HHAT: variants seen among roughly 807,000 people sequenced by gnomAD.
HHAT encodes protein-cysteine N-palmitoyltransferase HHAT.
Under a neutral mutation model 70.8 loss-of-function variants are expected in HHAT, and 47 were observed. The observed-to-expected ratio is 0.66, with a 90% CI of 0.53 to 0.85. HHAT has a LOEUF of 0.85. Ranked by LOEUF, HHAT falls within the 40% of genes least tolerant of loss-of-function variation. The pLI is 0.00. For missense variants in HHAT, 609 were observed against 604.8 expected (o/e 1.01, Z -0.07); for synonymous variants, 228 against 247.6 (o/e 0.92, Z 0.74).
chr1:210,546,735 G>A lies in HHAT; in HGVS notation c.1043+33547G>A, dbSNP rs187056591. Among the ~76,000 whole-genome samples, 282 of 152,312 alleles carry A rather than the reference G, an allele frequency of 1.9e-3. 2 individuals carry two copies. The highest frequency in any genetic ancestry group is 3.1e-4 in the Non-Finnish European group (21 of 68,028). On this transcript the variant is annotated intron_variant, in intron 9 of 11. Coordinates refer to ENST00000261458, the MANE Select transcript of HHAT (RefSeq NM_018194.6). ...GGATGGAGGCACAGAGAAAAGCAAG[G>A]CAGTGGTTGCAGTGACCTGGGCTAT...
At chr1:210,338,863 C>T (rs891915603) in intron 1 of HHAT, among the ~76,000 whole-genome samples, 3 of 152,022 alleles carry the variant, frequency 2.0e-5, no homozygotes, top group Non-Finnish European at 1.5e-5. Flanking sequence ...TTTAGAAATA[C>T]GGGGTAGATT....
chr1:210,335,622 C>T (rs2085413081), intron 1 of HHAT, among the ~76,000 whole-genome samples: 2 of 152,168 alleles, frequency 1.3e-5, no homozygotes, highest in Non-Finnish European at 2.9e-5. Flanking sequence ...CAGGCTTATA[C>T]ATCTGTGGTC....
intron 9 of HHAT, among the ~76,000 whole-genome samples, chr1:210,542,520 G>A (rs1224592734): frequency 6.6e-6 from 1 of 151,246 alleles, no homozygotes; most frequent in African/African-American, 2.4e-5. Context: ...TATATTGGTT[G>A]GATGCAGTGG....
At chr1:210,665,043 C>T (rs1678603433) in intron 11 of HHAT, among the ~76,000 whole-genome samples, 3 of 152,192 alleles carry the variant, frequency 2.0e-5, no homozygotes, top group Admixed American at 6.5e-5. Context: ...CCTCTCTGAG[C>T]CAGCCCATTA....
At chr1:210,658,805 A>G (rs1217839671) in intron 11 of HHAT, among the ~76,000 whole-genome samples, 3 of 152,242 alleles carry the variant, frequency 2.0e-5, no homozygotes, top group Admixed American at 1.3e-4. Flanking sequence ...GCACAACTAC[A>G]TGGAAACTGA....
chr1:210,446,607 C>T (rs936132135), intron 7 of HHAT, among the ~76,000 whole-genome samples: 3 of 152,182 alleles, frequency 2.0e-5, no homozygotes, highest in East Asian at 1.9e-4. Context: ...CACCCTTGCC[C>T]CGGCCTCTGT....
chr1:210,416,890 C>T (rs904395420), intron 6 of HHAT, among the ~76,000 whole-genome samples: 1 of 152,138 alleles, frequency 6.6e-6, no homozygotes, highest in Non-Finnish European at 1.5e-5. Context: ...ATTTAATCAC[C>T]ACAACAATGT....
At chr1:210,431,033 T>G (rs2093227324) in intron 7 of HHAT, among the ~76,000 whole-genome samples, 1 of 151,904 alleles carries the variant, frequency 6.6e-6, no homozygotes, top group South Asian at 2.1e-4. Context: ...CTCACCCATA[T>G]TTTGGGATGT....
chr1:210,564,406 A>G lies in HHAT; in HGVS notation c.1044-23492A>G, dbSNP rs148589175. ...AGGGAGCATGAGGAGCAGTGGCTCT[A>G]AAGATGAAAACAGAGAGCTCCATTG... On this transcript the variant is annotated intron_variant, in intron 9 of 11. Coordinates refer to ENST00000261458, the MANE Select transcript of HHAT (RefSeq NM_018194.6). Among the ~76,000 whole-genome samples, 675 of 152,322 alleles carry G rather than the reference A, an allele frequency of 4.4e-3. 2 individuals are homozygous for G. Among genetic ancestry groups the G allele is most frequent in the African/African-American group, 0.014 (578 of 41,562 alleles).
intron 1 of HHAT, among the ~76,000 whole-genome samples, chr1:210,340,242 G>GAAAAAAAAAAA (rs57007952): frequency 2.0e-5 from 2 of 99,782 alleles, no homozygotes; most frequent in Admixed American, 1.3e-4. Flanking sequence ...CTCTGTCTCA[G>GAAAAAAAAAAA]AAAAAAAAAA....
chr1:210,425,291 G>A (rs761347999), intron 7 of HHAT, among the ~76,000 whole-genome samples: 2 of 152,134 alleles, frequency 1.3e-5, no homozygotes, highest in Non-Finnish European at 2.9e-5. Context: ...CTCCCATTTT[G>A]TAGGTTGTCT....
chr1:210,350,394 T>C (rs956756919), intron 2 of HHAT, among the ~76,000 whole-genome samples: 6 of 152,362 alleles, frequency 3.9e-5, no homozygotes, highest in Middle Eastern at 6.8e-3. Flanking sequence ...ATATTGAGTC[T>C]TCCTATCCAT....
intron 9 of HHAT, among the ~76,000 whole-genome samples, chr1:210,530,214 T>C (rs568397090): frequency 6.6e-6 from 1 of 152,208 alleles, no homozygotes; most frequent in African/African-American, 2.4e-5. Flanking sequence ...TGCAACTTTG[T>C]CCAGAGCACC....
At chr1:210,379,777 C>T (rs1224276643) in intron 3 of HHAT, among the ~76,000 whole-genome samples, 1 of 152,188 alleles carries the variant, frequency 6.6e-6, no homozygotes, top group Non-Finnish European at 1.5e-5. Context: ...TCATACATTC[C>T]TGGCTGTATT....
At position 210,587,957 on chromosome 1, in the gene HHAT, C is replaced by CGGCG; in HGVS notation, c.1104_1107dup (p.Met370GlyfsTer83). ...GGCCTGCTGGGGACACTGTTTTCCA[C>CGGCG]GGCGATGACATTTGCATTTGTGAGC... On this transcript the variant is annotated frameshift_variant, in exon 10 of 12. Coordinates refer to ENST00000261458, the MANE Select transcript of HHAT (RefSeq NM_018194.6). LOFTEE classifies it high-confidence loss of function. 6.2e-7 allele frequency: 1 copy of CGGCG among 1,614,110 alleles called. No individual in the cohort carries two copies. Among genetic ancestry groups the CGGCG allele is most frequent in the Admixed American group, 1.7e-5 (1 of 60,022 alleles).
rs35867665 is a variant in HHAT at position 210,588,021 on chromosome 1, A to G, written c.1167A>G (p.Ala389=). ...GCTACGACTACCTCTGGTGCTGGGC[A>G]GCGCTCAACTGGCTGGGAGTCACTG... ...HGGYDYLWCW[A]ALNWLGVTVE... Residue 389 remains alanine (A), a synonymous_variant, in exon 10 of 12, where the codon GCA becomes GCG. Transcript: ENST00000261458. 4,389 of 1,614,044 alleles carry G rather than the reference A, an allele frequency of 2.7e-3. 62 individuals are homozygous for G. The African/African-American group carries it at 0.034, about 13-fold the overall frequency.
rs1472770493 is a variant in HHAT, at chr1:210,537,460, G to A, written c.1043+24272G>A. Among the ~76,000 whole-genome samples the A allele has an allele frequency of 3.3e-5, 5 of 152,118 alleles. No individual in the cohort carries two copies. In the East Asian group the frequency reaches 9.7e-4, roughly 29 times the overall value. Reference sequence around the variant, plus strand: ...GACACCCCCCTTTCCACACCAATGTGGAGACTCCAATAATAATAAAATGAG... The same window carrying A: ...GACACCCCCCTTTCCACACCAATGTAGAGACTCCAATAATAATAAAATGAG... On this transcript the variant is annotated intron_variant, in intron 9 of 11. Coordinates refer to ENST00000261458, the MANE Select transcript of HHAT (RefSeq NM_018194.6).
intron 11 of HHAT, among the ~76,000 whole-genome samples, chr1:210,666,357 C>A (rs7413508): frequency 0.28 from 42,305 of 152,036 alleles, 6,219 homozygotes; most frequent in East Asian, 0.37. Flanking sequence ...TTCCAGTCCT[C>A]CTGCCCCACA....
chr1:210,674,229 T>G, intron 11 of HHAT, 59 bp from the exon 12 acceptor site: 1 of 1,408,704 alleles, frequency 7.1e-7, no homozygotes, highest in Non-Finnish European at 1.0e-6. Flanking sequence ...TTTGCCCATG[T>G]GGGATGTCCT....
Sources: allele counts gnomAD v4.1 joint callset (sites outside exome capture counted in the v4.1 genomes callset), GRCh38; gene constraint gnomAD v4.1.1; transcripts MANE v1.5; gene names NCBI Gene and HGNC (gene_info 2026-07-23, HGNC 2026-07-21).